The following PCDHGA7 variants were observed in gnomAD, a reference collection of about 807,000 sequenced individuals.
PCDHGA7 encodes the protein protocadherin gamma subfamily A, 7, also known as protocadherin gamma-A7.
PCDHGA7 carries 44 observed loss-of-function variants against 58.3 expected under a neutral mutation model. That is an observed-to-expected ratio of 0.75 (90% confidence interval 0.59 to 0.97). The LOEUF is 0.97. Ranked by LOEUF, PCDHGA7 falls within the 50% of genes least tolerant of loss-of-function variation. The probability of loss-of-function intolerance (pLI) is 0.00; values close to 1 mark genes in which losing one functional copy is unlikely to be tolerated. For synonymous variants in PCDHGA7, 516 were observed against 504.2 expected, an observed-to-expected ratio of 1.02 and a Z score of -0.31; for missense variants, 1,266 against 1,188.7, an observed-to-expected ratio of 1.06 and a Z score of -0.96.
intron 3 of PCDHGA7, among the ~76,000 whole-genome samples, chr5:141,510,531 T>C (rs1459536719): frequency 6.6e-6 from 1 of 152,078 alleles, no homozygotes; most frequent in Non-Finnish European, 1.5e-5. Context: ...CTGAGAGAAA[T>C]ACCAGCGAAT....
chr5:141,489,126 T>A lies in PCDHGA7; in HGVS notation c.2425-5681T>A. ...TGCAAGCAGGCAAACCTCCGAGCAGTTTTTAAGAGGCTGGAAGGAGACATA... is the reference window on the plus strand; with the variant it reads ...TGCAAGCAGGCAAACCTCCGAGCAGATTTTAAGAGGCTGGAAGGAGACATA... On this transcript the variant is annotated intron_variant, in intron 1 of 3. Transcript: ENST00000518325. This position sits in a 1 kb window ranked among gnomAD's most constrained non-coding sequence, Gnocchi z 4.5. 1.7e-6 allele frequency: 1 copy of A among 585,136 alleles called. No individual in the cohort carries two copies. Among genetic ancestry groups the A allele is most frequent in the Non-Finnish European group, 2.7e-6 (1 of 375,012 alleles). The allele number at this position is 585,136 out of a possible 1,614,324, so 36.2% of individuals were successfully genotyped here.
intron 1 of PCDHGA7, chr5:141,399,619 G>T (rs749025661): frequency 1.2e-6 from 2 of 1,613,784 alleles, no homozygotes; most frequent in Non-Finnish European, 1.7e-6. Flanking sequence ...TCTGGCACTG[G>T]CCTCTTACGT....
intron 1 of PCDHGA7, chr5:141,404,285 A>T (rs1195722797): frequency 1.9e-6 from 3 of 1,614,026 alleles, no homozygotes; most frequent in East Asian, 4.5e-5. Flanking sequence ...AGTGACTGAC[A>T]TCAATGATAA....
At chr5:141,464,443 T>G (rs903733972) in intron 1 of PCDHGA7, among the ~76,000 whole-genome samples, 1 of 151,634 alleles carries the variant, frequency 6.6e-6, no homozygotes, top group African/African-American at 2.4e-5. Context: ...ATGTTTGTTG[T>G]TGTTGTTGTT....
chr5:141,438,392 ATTAAC>A (rs1296512476), intron 1 of PCDHGA7, among the ~76,000 whole-genome samples: 3 of 151,714 alleles, frequency 2.0e-5, no homozygotes, highest in African/African-American at 7.3e-5. Context: ...TTAGTTCATC[ATTAAC>A]TCTCTGAAGT....
At chr5:141,509,268 G>A (rs2099875959) in intron 3 of PCDHGA7, among the ~76,000 whole-genome samples, 1 of 152,150 alleles carries the variant, frequency 6.6e-6, no homozygotes, top group South Asian at 2.1e-4. Flanking sequence ...AGTCACTCTC[G>A]CTACCCGCTC....
chr5:141,430,655 G>C (rs1309165721), intron 1 of PCDHGA7: 2 of 1,085,056 alleles, frequency 1.8e-6, no homozygotes, highest in Non-Finnish European at 2.6e-6. Flanking sequence ...TGGAAACAAC[G>C]GAGGAGCTCT....
chr5:141,428,223 A>C (rs539110667), intron 1 of PCDHGA7: 30 of 1,169,680 alleles, frequency 2.6e-5, no homozygotes, highest in Admixed American at 2.5e-4. Flanking sequence ...TAGTCTTCGC[A>C]GACAGCCTGC....
At position 141,491,681 on chromosome 5, in the gene PCDHGA7, C is replaced by T; in HGVS notation, c.2425-3126C>T. 6.2e-6 allele frequency: 10 copies of T among 1,613,458 alleles called. No homozygotes were observed. Among genetic ancestry groups the T allele is most frequent in the Non-Finnish European group, 8.5e-6 (10 of 1,179,804 alleles). On this transcript the variant is annotated intron_variant, in intron 1 of 3. Transcript: ENST00000518325. The surrounding 1 kb of genome is among the most constrained non-coding windows in gnomAD (Gnocchi z 6.9). ...GACGCCATCCGGTCCCGCTCTAATA[C>T]GCTGCGGGAGCGGAGCCAGGTGAGG...
In PCDHGA7 at chr5:141,405,117, C is replaced by T. The variant is rs200108286; in HGVS notation, c.2424+19794C>T. On this transcript the variant is annotated intron_variant, in intron 1 of 3. Transcript: ENST00000518325. The stretch of plus-strand genomic sequence containing the variant: ...CTCAGGCTGAGGCACTGGCACTCCT[C>T]GCATCTGCTGCGGGCTACCAGTGAT... The T allele has an allele frequency of 5.6e-5, 90 of 1,613,980 alleles. No individual in the cohort carries two copies. In the East Asian group the frequency reaches 9.6e-4, roughly 17 times the overall value.
intron 1 of PCDHGA7, among the ~76,000 whole-genome samples, chr5:141,462,678 T>G (rs923728894): frequency 1.3e-5 from 2 of 152,210 alleles, no homozygotes; most frequent in South Asian, 4.1e-4. Flanking sequence ...TTCTTTAAAT[T>G]TTTGAGCACA....
intron 1 of PCDHGA7, chr5:141,407,930 C>G: frequency 2.0e-6 from 1 of 498,998 alleles, no homozygotes. Context: ...CGCACGGAGC[C>G]TCTGGGCGCC....
intron 1 of PCDHGA7, chr5:141,388,986 A>G (rs756279125): frequency 2.5e-6 from 4 of 1,613,952 alleles, no homozygotes; most frequent in Non-Finnish European, 3.4e-6. Flanking sequence ...TGCTTTGCTC[A>G]AAGTCCGTGA....
chr5:141,478,038 G>A lies in PCDHGA7; in HGVS notation c.2425-16769G>A, dbSNP rs1401384720. ...CCAGTCCAAGACACAGATTCACCCA[G>A]GCAGACTCTCACGGTCTTGATCAAA... On this transcript the variant is annotated intron_variant, in intron 1 of 3. Transcript: ENST00000518325. 8 of 1,614,006 alleles carry A rather than the reference G, an allele frequency of 5.0e-6. No homozygotes were observed. In the African/African-American group the frequency reaches 1.1e-4, roughly 22 times the overall value.
chr5:141,400,062 T>A (rs2093953641), intron 1 of PCDHGA7: 2 of 1,613,652 alleles, frequency 1.2e-6, no homozygotes, highest in Middle Eastern at 1.7e-4. Flanking sequence ...TGCGTGATGG[T>A]GGACAGCCGC....
chr5:141,399,999 A>G (rs1589395014), intron 1 of PCDHGA7: 1 of 1,612,302 alleles, frequency 6.2e-7, no homozygotes. Flanking sequence ...AGGTGCGCAC[A>G]GCGCGTGCCT....
At chr5:141,399,851 C>T (rs971471583) in intron 1 of PCDHGA7, 3 of 1,612,950 alleles carry the variant, frequency 1.9e-6, no homozygotes, top group Non-Finnish European at 2.5e-6. Flanking sequence ...GATATGGTGC[C>T]GCGCGCTGCA....
At chr5:141,454,092 T>C (rs552760379) in intron 1 of PCDHGA7, among the ~76,000 whole-genome samples, 2 of 152,316 alleles carry the variant, frequency 1.3e-5, no homozygotes, top group East Asian at 3.9e-4. Flanking sequence ...GAAATTTGAA[T>C]TGAACATAAA....
At chr5:141,457,422 T>TC (rs1038085994) in intron 1 of PCDHGA7, among the ~76,000 whole-genome samples, 6 of 151,626 alleles carry the variant, frequency 4.0e-5, no homozygotes, top group African/African-American at 7.3e-5. Flanking sequence ...CATCCCTTTT[T>TC]CCCCCCCACC....
Sources: gnomAD v4.1 joint callset for allele counts (sites outside exome capture counted in the v4.1 genomes callset) on GRCh38, gnomAD v4.1.1 for gene constraint, Gnocchi (gnomAD v3.1) non-coding constraint, MANE v1.5 for transcripts, NCBI Gene and HGNC (gene_info 2026-07-23, HGNC 2026-07-21) for gene names.